PLSCR2: variants seen among roughly 807,000 people sequenced by gnomAD.
PLSCR2 encodes PL scramblase 2.
A neutral mutation model predicts 25.3 loss-of-function variants in PLSCR2; 18 were observed. The ratio of observed to expected loss-of-function variants is 0.71; its 90% CI spans 0.49 to 1.06. The LOEUF is 1.06. PLSCR2 is among the 50% of genes least tolerant of loss of function. The pLI is 0.00. For missense variants in PLSCR2, 243 were observed against 269.5 expected (o/e 0.90, Z 0.69); for synonymous variants, 88 against 87.3 (o/e 1.01, Z -0.04).
At chr3:146,458,761 A>AT (rs976223436) in intron 2 of PLSCR2, among the ~76,000 whole-genome samples, 1 of 152,042 alleles carries the variant, frequency 6.6e-6, no homozygotes, top group African/African-American at 2.4e-5. Flanking sequence ...ATATAAAGAC[A>AT]TTTTTTATTG....
chr3:146,422,674 G>A (rs143789718), intron 2 of PLSCR2, among the ~76,000 whole-genome samples: 4 of 152,232 alleles, frequency 2.6e-5, no homozygotes, highest in Non-Finnish European at 5.9e-5. Context: ...CAAGAAGACA[G>A]ATTCTTAGTG....
At chr3:146,447,835 T>C (rs779387304) in intron 6 of PLSCR2, among the ~76,000 whole-genome samples, 1 of 152,166 alleles carries the variant, frequency 6.6e-6, no homozygotes, top group Non-Finnish European at 1.5e-5. Flanking sequence ...CTTTAGCTCA[T>C]GGTAGCGAGG....
downstream of PLSCR2, among the ~76,000 whole-genome samples, chr3:146,436,866 A>G (rs894845341): frequency 6.6e-6 from 1 of 152,084 alleles, no homozygotes; most frequent in Non-Finnish European, 1.5e-5. Context: ...TTTCAAAGGG[A>G]ATGCTTCCAG....
intron 1 of PLSCR2, among the ~76,000 whole-genome samples, chr3:146,491,758 A>T (rs1004945338): frequency 1.6e-4 from 25 of 152,026 alleles, no homozygotes; most frequent in African/African-American, 5.8e-4. Flanking sequence ...TCATATTATT[A>T]GTTTTCTTGA....
intron 1 of PLSCR2, among the ~76,000 whole-genome samples, chr3:146,493,724 T>C (rs1049905752): frequency 2.0e-5 from 3 of 151,454 alleles, no homozygotes; most frequent in Admixed American, 2.0e-4. Flanking sequence ...GTTTATAGCA[T>C]TTCGGGAGTC....
intron 1 of PLSCR2, among the ~76,000 whole-genome samples, chr3:146,488,160 A>G (rs969911942): frequency 6.6e-6 from 1 of 152,174 alleles, no homozygotes; most frequent in Non-Finnish European, 1.5e-5. Flanking sequence ...CCTTCCTTAT[A>G]TTTTACACAA....
intron 2 of PLSCR2, among the ~76,000 whole-genome samples, chr3:146,419,274 G>T (rs545613469): frequency 1.3e-5 from 2 of 152,084 alleles, no homozygotes; most frequent in African/African-American, 2.4e-5. Flanking sequence ...TATATAAAAA[G>T]AATACAGTTT....
chr3:146,455,300 A>C (rs1329234373), exon 4 of PLSCR2: 1 of 1,613,962 alleles, frequency 6.2e-7, no homozygotes, highest in African/African-American at 1.3e-5. Flanking sequence ...CAGAGTTATG[A>C]CTTCTCGACC....
intron 1 of PLSCR2, among the ~76,000 whole-genome samples, chr3:146,478,948 TTAAAG>T (rs1207746730): frequency 1.1e-4 from 16 of 152,196 alleles, no homozygotes; most frequent in Non-Finnish European, 2.1e-4. Flanking sequence ...TTCAACATTC[TTAAAG>T]TAAAGAATTT....
chr3:146,458,347 T>C (rs2041342612), intron 3 of PLSCR2, 64 bp downstream of exon 3: 1 of 1,330,554 alleles, frequency 7.5e-7, no homozygotes, highest in Non-Finnish European at 1.0e-6. Flanking sequence ...TAGTTTTTGA[T>C]GTATCTTTAT....
At chr3:146,484,500 A>C (rs1360386190) in intron 1 of PLSCR2, among the ~76,000 whole-genome samples, 1 of 152,116 alleles carries the variant, frequency 6.6e-6, no homozygotes, top group African/African-American at 2.4e-5. Flanking sequence ...AGATTCTCCA[A>C]GGTTGAAATG....
At chr3:146,405,982 A>C (rs961316972) in intron 2 of PLSCR2, among the ~76,000 whole-genome samples, 3 of 152,188 alleles carry the variant, frequency 2.0e-5, no homozygotes, top group African/African-American at 7.2e-5. Context: ...GGTGGGCTTC[A>C]TGAGACCAGG....
At chr3:146,413,743 C>A (rs972892748) in intron 2 of PLSCR2, among the ~76,000 whole-genome samples, 32 of 152,204 alleles carry the variant, frequency 2.1e-4, no homozygotes, top group Admixed American at 9.2e-4. Flanking sequence ...TCTCAGACTT[C>A]CTTATAGCTA....
At chr3:146,481,585 C>T (rs6794635) in intron 1 of PLSCR2, among the ~76,000 whole-genome samples, 1 of 152,232 alleles carries the variant, frequency 6.6e-6, no homozygotes, top group South Asian at 2.1e-4. Context: ...AGACAGGACA[C>T]AAACAAATGG....
intron 5 of PLSCR2, among the ~76,000 whole-genome samples, chr3:146,450,141 A>G (rs1340693583): frequency 6.6e-6 from 1 of 152,236 alleles, no homozygotes; most frequent in African/African-American, 2.4e-5. Context: ...ATGGGCAGGT[A>G]GTGGCGGAAT....
chr3:146,423,073 G>A (rs1463624670), intron 2 of PLSCR2, among the ~76,000 whole-genome samples: 2 of 151,982 alleles, frequency 1.3e-5, no homozygotes, highest in Admixed American at 1.3e-4. Context: ...CCCATTTGGA[G>A]GGTCTGTGGG....
chr3:146,414,615 G>T (rs1051490276), intron 2 of PLSCR2, among the ~76,000 whole-genome samples: 19 of 150,150 alleles, frequency 1.3e-4, no homozygotes, highest in South Asian at 2.1e-4. Context: ...TTTGTAACTA[G>T]ACACTCATTT....
chr3:146,487,479 A>G (rs1313740403), intron 1 of PLSCR2, among the ~76,000 whole-genome samples: 1 of 152,184 alleles, frequency 6.6e-6, no homozygotes, highest in African/African-American at 2.4e-5. Flanking sequence ...TTCAGGATAC[A>G]AAATCAAGCA....
chr3:146,399,530 A>ATT, intron 2 of PLSCR2, among the ~76,000 whole-genome samples: 1 of 151,838 alleles, frequency 6.6e-6, no homozygotes, highest in South Asian at 2.1e-4. Context: ...CTGGGAGAAT[A>ATT]CATAAGAAAC....
Sources: allele counts gnomAD v4.1 joint callset (sites outside exome capture counted in the v4.1 genomes callset), GRCh38; gene constraint gnomAD v4.1.1; transcripts MANE v1.5; gene names NCBI Gene and HGNC (gene_info 2026-07-23, HGNC 2026-07-21).